The following KANK1 variants were observed in gnomAD, a reference collection of about 807,000 sequenced individuals.
The protein encoded by KANK1 is KN motif and ankyrin repeat domain-containing protein 1.
Under a neutral mutation model 106.2 loss-of-function variants are expected in KANK1, and 109 were observed. The ratio of observed to expected loss-of-function variants is 1.03; its 90% CI spans 0.88 to 1.20. The LOEUF is 1.20. Ranked by LOEUF, KANK1 falls within the 50% of genes most tolerant of loss-of-function variation. The probability of loss-of-function intolerance (pLI) is 0.00; values close to 1 mark genes in which losing one functional copy is unlikely to be tolerated. For missense variants in KANK1, 2,399 were observed against 1,710.7 expected, an observed-to-expected ratio of 1.40 and a Z score of -7.10; for synonymous variants, 873 against 652.2, an observed-to-expected ratio of 1.34 and a Z score of -5.16.
chr9:597,389 A>G (rs1479323823), intron 1 of KANK1, among the ~76,000 whole-genome samples: 1 of 151,918 alleles, frequency 6.6e-6, no homozygotes, highest in Non-Finnish European at 1.5e-5. Context: ...CCTTTTTAAA[A>G]AAATTATAGT....
chr9:592,426 G>A (rs1825168049), intron 1 of KANK1, among the ~76,000 whole-genome samples: 1 of 151,764 alleles, frequency 6.6e-6, no homozygotes, highest in Non-Finnish European at 1.5e-5. Flanking sequence ...AATGCCCGCA[G>A]CACTGGCTTG....
chr9:570,909 A>G (rs1318728401), intron 1 of KANK1, among the ~76,000 whole-genome samples: 1 of 152,234 alleles, frequency 6.6e-6, no homozygotes, highest in Non-Finnish European at 1.5e-5. Flanking sequence ...GGCAGTGAAT[A>G]TATTTGTGCT....
At position 675,252 on chromosome 9, in the gene KANK1, A is replaced by G. The variant is rs1335109995; in HGVS notation, c.-83-1638A>G. ...CTTATTAAAAACTTATATGATTTCA[A>G]TGGCTGCATTAGAATTAGTGTATAC... On this transcript the variant is annotated intron_variant, in intron 1 of 11. Transcript: ENST00000382297. 3.3e-5 allele frequency among the ~76,000 whole-genome samples: 5 copies of G among 152,172 alleles called. No homozygotes were observed. The East Asian group carries it at 7.7e-4, about 23-fold the overall frequency.
chr9:619,239 C>T (rs1413274025), intron 1 of KANK1, among the ~76,000 whole-genome samples: 4 of 152,034 alleles, frequency 2.6e-5, no homozygotes, highest in African/African-American at 7.3e-5. Context: ...ATTTGTGCCT[C>T]AAGAATAGTT....
intron 1 of KANK1, among the ~76,000 whole-genome samples, chr9:645,140 A>AAAAC (rs1430614826): frequency 6.8e-6 from 1 of 147,662 alleles, no homozygotes; most frequent in Non-Finnish European, 1.5e-5. Context: ...AAAAAAAAAA[A>AAAAC]AAAAAAGAAT....
chr9:684,306 G>C (rs1271625294), intron 2 of KANK1: 2 of 985,304 alleles, frequency 2.0e-6, no homozygotes, highest in Non-Finnish European at 2.4e-6. Flanking sequence ...GTAGGAAGGA[G>C]AAAAATCTGT....
At chr9:738,573 T>C (rs575502195) in intron 8 of KANK1, 69 bp downstream of exon 8, 9 of 1,226,104 alleles carry the variant, frequency 7.3e-6, no homozygotes, top group Non-Finnish European at 1.1e-5. Context: ...TCAGAGAACC[T>C]GGTTGAGCCA....
intron 1 of KANK1, among the ~76,000 whole-genome samples, chr9:590,667 A>G (rs1051700170): frequency 6.7e-6 from 1 of 149,126 alleles, no homozygotes; most frequent in Non-Finnish European, 1.5e-5. Flanking sequence ...TGTATGCCTA[A>G]ATAAGATTCT....
intron 1 of KANK1, among the ~76,000 whole-genome samples, chr9:653,380 G>A (rs1841358726): frequency 6.6e-6 from 1 of 152,044 alleles, no homozygotes; most frequent in African/African-American, 2.4e-5. Context: ...CTCACAAGCA[G>A]TTTTTAAGGC....
At chr9:723,025 C>A (rs960077721) in intron 3 of KANK1, among the ~76,000 whole-genome samples, 4 of 152,094 alleles carry the variant, frequency 2.6e-5, no homozygotes, top group African/African-American at 9.7e-5. Context: ...AGAATTTGGG[C>A]CAAGCCTTGA....
chr9:608,028 A>ATTTTTTTTTTTTT (rs1326986665), intron 1 of KANK1, among the ~76,000 whole-genome samples: 2 of 84,384 alleles, frequency 2.4e-5, no homozygotes, highest in East Asian at 2.3e-4. Context: ...TATTATTATT[A>ATTTTTTTTTTTTT]TTATTATTTT....
intron 3 of KANK1, among the ~76,000 whole-genome samples, chr9:715,605 A>G (rs955020017): frequency 1.3e-5 from 2 of 152,228 alleles, no homozygotes; most frequent in East Asian, 1.9e-4. Flanking sequence ...GTTAGATCCA[A>G]CCCTGCTAAC....
chr9:699,918 G>C (rs888987945), intron 2 of KANK1, among the ~76,000 whole-genome samples: 7 of 152,130 alleles, frequency 4.6e-5, no homozygotes, highest in Non-Finnish European at 1.0e-4. Flanking sequence ...GGAGTTCAAG[G>C]CTGCAGTGAG....
At chr9:612,713 C>A (rs897221270) in intron 1 of KANK1, among the ~76,000 whole-genome samples, 2 of 152,060 alleles carry the variant, frequency 1.3e-5, no homozygotes, top group Non-Finnish European at 2.9e-5. Context: ...AAATTTAAGC[C>A]GGACATCTCA....
intron 7 of KANK1, among the ~76,000 whole-genome samples, chr9:737,932 A>G (rs554208284): frequency 5.6e-4 from 86 of 152,332 alleles, no homozygotes; most frequent in African/African-American, 2.0e-3. Flanking sequence ...AAAGCATGGT[A>G]TTATCCAGTT....
chr9:705,207 C>T (rs977511491), intron 2 of KANK1, among the ~76,000 whole-genome samples: 1 of 151,922 alleles, frequency 6.6e-6, no homozygotes, highest in Non-Finnish European at 1.5e-5. Context: ...TTCTGTTGGC[C>T]AGGCACAGTG....
chr9:733,282 T>A (rs1293605003), intron 6 of KANK1: 1 of 152,242 alleles, frequency 6.6e-6, no homozygotes, highest in Non-Finnish European at 1.5e-5. Context: ...GGTTTTTCAG[T>A]ATGTGAAATA....
At chr9:707,146 C>T (rs1023793478) in intron 2 of KANK1, 1 of 985,522 alleles carries the variant, frequency 1.0e-6, no homozygotes, top group Non-Finnish European at 1.2e-6. Flanking sequence ...AACTTCTCCT[C>T]ACGGGGTGAG....
chr9:508,740 C>T (rs1279888199), intron 1 of KANK1, among the ~76,000 whole-genome samples: 1 of 146,542 alleles, frequency 6.8e-6, no homozygotes, highest in Non-Finnish European at 1.5e-5. Flanking sequence ...CAGTTATTTT[C>T]ACTGCTGTGT....
Sources: allele counts gnomAD v4.1 joint callset (sites outside exome capture counted in the v4.1 genomes callset), GRCh38; gene constraint gnomAD v4.1.1; transcripts MANE v1.5; gene names NCBI Gene and HGNC (gene_info 2026-07-23, HGNC 2026-07-21).